PPP2R2B: variants seen among roughly 807,000 people sequenced by gnomAD.
PPP2R2B encodes the protein serine/threonine-protein phosphatase 2A 55 kDa regulatory subunit B beta isoform.
Under a neutral mutation model 46.0 loss-of-function variants are expected in PPP2R2B, and 5 were observed. The ratio of observed to expected loss-of-function variants is 0.11; its 90% confidence interval spans 0.06 to 0.23. The LOEUF (loss-of-function observed/expected upper bound fraction) is 0.23, where lower values mean the gene tolerates loss of function less well. PPP2R2B is among the 10% of genes least tolerant of loss of function. The probability of loss-of-function intolerance (pLI) is 1.00; values close to 1 mark genes in which losing one functional copy is unlikely to be tolerated. For missense variants in PPP2R2B, 367 were observed against 575.0 expected (o/e 0.64, Z 3.70); for synonymous variants, 215 against 206.7 (o/e 1.04, Z -0.34).
intron 2 of PPP2R2B, among the ~76,000 whole-genome samples, chr5:146,801,968 A>G (rs1756895468): frequency 6.6e-6 from 1 of 152,220 alleles, no homozygotes. Flanking sequence ...TGTCATTCAA[A>G]TCAATGGGGT....
intron 2 of PPP2R2B, among the ~76,000 whole-genome samples, chr5:146,834,182 C>A (rs1157709636): frequency 1.3e-5 from 2 of 152,160 alleles, no homozygotes; most frequent in Non-Finnish European, 2.9e-5. Context: ...AGGGCATACA[C>A]CATACTAGAC....
chr5:146,658,794 A>C (rs773283183), intron 5 of PPP2R2B, among the ~76,000 whole-genome samples: 12 of 152,314 alleles, frequency 7.9e-5, no homozygotes, highest in Middle Eastern at 6.8e-3. Context: ...CATTTGCATG[A>C]TACTTTTAAT....
intron 2 of PPP2R2B, among the ~76,000 whole-genome samples, chr5:146,837,440 A>G (rs1759353963): frequency 1.3e-5 from 2 of 152,216 alleles, no homozygotes; most frequent in East Asian, 1.9e-4. Flanking sequence ...GAGCATCTGT[A>G]TAGTATGTTA....
intron 7 of PPP2R2B, among the ~76,000 whole-genome samples, chr5:146,625,224 T>A (rs1185462635): frequency 6.6e-6 from 1 of 152,270 alleles, no homozygotes; most frequent in East Asian, 1.9e-4. Flanking sequence ...TGTGCTTTTT[T>A]ATTGCCATTT....
chr5:146,880,757 C>A (rs1378765829), upstream of PPP2R2B, among the ~76,000 whole-genome samples: 3 of 152,078 alleles, frequency 2.0e-5, no homozygotes, highest in East Asian at 3.9e-4. Context: ...TTCCACAGAT[C>A]GAGTCTCTGG....
intron 2 of PPP2R2B, among the ~76,000 whole-genome samples, chr5:146,853,352 T>C (rs2151384520): frequency 1.3e-5 from 2 of 152,304 alleles, no homozygotes; most frequent in African/African-American, 4.8e-5. Context: ...TAAAAAGTCC[T>C]TTTAATCCAT....
chr5:147,081,274 G>A (rs1751472270), exon 1 of PPP2R2B: 1 of 1,535,668 alleles, frequency 6.5e-7, no homozygotes, highest in Admixed American at 2.0e-5. Context: ...CATCTCGTCA[G>A]AGAAGAGACC....
At chr5:146,874,819 T>G (rs967697917) in intron 2 of PPP2R2B, among the ~76,000 whole-genome samples, 1 of 151,560 alleles carries the variant, frequency 6.6e-6, no homozygotes, top group Non-Finnish European at 1.5e-5. Context: ...TGGGGTTCCA[T>G]ATCTGAAAAA....
intron 3 of PPP2R2B, among the ~76,000 whole-genome samples, 173 bp from the exon 4 acceptor site, chr5:146,698,317 AATATATATATATAT>A (rs35533710): frequency 2.0e-4 from 17 of 85,642 alleles, no homozygotes; most frequent in African/African-American, 6.9e-4. Context: ...AAAAAAAAAA[AATATATATATATAT>A]ATATATATAT....
intron 1 of PPP2R2B, among the ~76,000 whole-genome samples, chr5:146,914,710 T>A (rs1763315586): frequency 6.6e-6 from 1 of 152,186 alleles, no homozygotes; most frequent in African/African-American, 2.4e-5. Context: ...AAAGGTCATA[T>A]GTTGATGAAT....
chr5:147,017,629 G>A (rs182558221), intron 1 of PPP2R2B, among the ~76,000 whole-genome samples: 24 of 150,978 alleles, frequency 1.6e-4, no homozygotes, highest in Middle Eastern at 3.4e-3. Flanking sequence ...TAAATTTGTT[G>A]AAGCTAAGAG....
In PPP2R2B at chr5:146,671,368, C is replaced by T. The variant is rs1777358936; in HGVS notation, c.447+19760G>A. On this transcript the variant is annotated intron_variant, in intron 5 of 9. Coordinates refer to ENST00000394411, the MANE Select transcript of PPP2R2B (RefSeq NM_181675.4). The stretch of plus-strand genomic sequence containing the variant: ...TCACATACCTTCTCCCCATTAAGAA[C>T]CGCTAAATGGTGGGTTTGATGAGTT... 2.6e-5 allele frequency among the ~76,000 whole-genome samples: 4 copies of T among 152,330 alleles called. No homozygotes were observed. The South Asian group carries it at 8.3e-4, about 32-fold the overall frequency.
intron 5 of PPP2R2B, among the ~76,000 whole-genome samples, chr5:146,665,465 A>C (rs965355565): frequency 2.6e-5 from 4 of 152,202 alleles, no homozygotes; most frequent in Non-Finnish European, 5.9e-5. Context: ...CCTTCATAGA[A>C]CAAAAGAGAG....
intron 5 of PPP2R2B, among the ~76,000 whole-genome samples, chr5:146,654,456 C>G (rs745373273): frequency 1.3e-5 from 2 of 152,128 alleles, no homozygotes; most frequent in Non-Finnish European, 1.5e-5. Flanking sequence ...CAATCTCATG[C>G]GGTTTAACCT....
intron 2 of PPP2R2B, among the ~76,000 whole-genome samples, chr5:147,079,340 AATAG>A (rs1757896867): frequency 7.1e-6 from 1 of 140,376 alleles, no homozygotes; most frequent in Non-Finnish European, 1.6e-5. Flanking sequence ...TAAACAGATG[AATAG>A]ATACATACAG....
At chr5:146,625,845 C>A (rs994707603) in intron 7 of PPP2R2B, among the ~76,000 whole-genome samples, 1 of 151,984 alleles carries the variant, frequency 6.6e-6, no homozygotes, top group Non-Finnish European at 1.5e-5. Context: ...GTGGGCCCAG[C>A]GTAATCACAA....
At chr5:146,941,059 T>A (rs1165679842) in intron 1 of PPP2R2B, among the ~76,000 whole-genome samples, 1 of 152,160 alleles carries the variant, frequency 6.6e-6, no homozygotes, top group Non-Finnish European at 1.5e-5. Context: ...AGGAATGAGT[T>A]TCCTGGAGAC....
chr5:146,748,860 T>C (rs980085538), intron 2 of PPP2R2B, among the ~76,000 whole-genome samples: 2 of 152,222 alleles, frequency 1.3e-5, no homozygotes, highest in African/African-American at 2.4e-5. Flanking sequence ...GGTTTGTATA[T>C]AGGTTTTTGT....
chr5:146,940,135 G>A (rs1350233372), intron 1 of PPP2R2B, among the ~76,000 whole-genome samples: 1 of 152,114 alleles, frequency 6.6e-6, no homozygotes, highest in South Asian at 2.1e-4. Flanking sequence ...ATTCTAGTGG[G>A]CATCTACTGT....
Sources: allele counts gnomAD v4.1 joint callset (sites outside exome capture counted in the v4.1 genomes callset), GRCh38; gene constraint gnomAD v4.1.1; transcripts MANE v1.5; gene names NCBI Gene and HGNC (gene_info 2026-07-23, HGNC 2026-07-21).